ANO3: variants seen among roughly 807,000 people sequenced by gnomAD.
ANO3 encodes anoctamin-3.
A neutral mutation model predicts 144.8 loss-of-function variants in ANO3; 99 were observed. That is an observed-to-expected ratio of 0.68 (90% CI 0.58 to 0.81). The LOEUF (loss-of-function observed/expected upper bound fraction) is 0.81. Ranked by LOEUF, ANO3 falls within the 30% of genes least tolerant of loss-of-function variation. The pLI is 0.00. For missense variants in ANO3, 905 were observed against 1,202.2 expected (o/e 0.75, Z 3.66); for synonymous variants, 414 against 392.6 (o/e 1.05, Z -0.64).
chr11:26,209,622 C>T (rs555060904), intron 1 of ANO3, among the ~76,000 whole-genome samples: 2 of 152,148 alleles, frequency 1.3e-5, no homozygotes, highest in African/African-American at 2.4e-5. Flanking sequence ...AGTGTAAAAG[C>T]GTTCCTATTT....
chr11:26,378,521 T>C (rs547934419), intron 1 of ANO3, among the ~76,000 whole-genome samples: 43 of 151,470 alleles, frequency 2.8e-4, no homozygotes, highest in Admixed American at 1.3e-4. Flanking sequence ...GAAACACACT[T>C]TTAAAAATTA....
At chr11:26,307,721 A>AAATAAT (rs56805697), upstream of ANO3, among the ~76,000 whole-genome samples, 22,787 of 142,250 alleles carry the variant, frequency 0.16, 2,143 homozygotes, top group East Asian at 0.31. Flanking sequence ...CTCCGTCTCT[A>AAATAAT]AATAATAATA....
At chr11:26,200,485 A>C (rs1851671802) in intron 1 of ANO3, among the ~76,000 whole-genome samples, 1 of 152,102 alleles carries the variant, frequency 6.6e-6, no homozygotes, top group Admixed American at 6.6e-5. Flanking sequence ...AATTTGTTGT[A>C]ATATATTTAT....
chr11:26,236,023 G>A (rs762405119), intron 1 of ANO3, among the ~76,000 whole-genome samples: 1 of 151,894 alleles, frequency 6.6e-6, no homozygotes, highest in Non-Finnish European at 1.5e-5. Context: ...TCCTTCCTGA[G>A]TTTGATATAG....
intron 1 of ANO3, among the ~76,000 whole-genome samples, chr11:26,435,969 CT>C (rs553194915): frequency 3.2e-3 from 487 of 152,302 alleles, no homozygotes; most frequent in Middle Eastern, 0.014. Context: ...ACCCTGACCA[CT>C]TGAGTTGCTA....
chr11:26,525,127 C>G lies in ANO3; in HGVS notation c.693-508C>G, dbSNP rs535474087. Among the ~76,000 whole-genome samples the G allele has an allele frequency of 1.1e-4, 16 of 152,136 alleles. No individual in the cohort carries two copies. In the East Asian group the frequency reaches 1.7e-3, roughly 17 times the overall value. On this transcript the variant is annotated intron_variant, in intron 6 of 26. Transcript: ENST00000256737. ...TTTATTTTAACTGATGACTTCTCAC[C>G]TCAACTATCAAGGAAGCTTCTTGAG... is the stretch of plus-strand genomic sequence containing the variant.
chr11:26,248,803 A>G lies in ANO3; in HGVS notation c.154+59473A>G, dbSNP rs551034414. ...CCCTGGGCAGGGACTAGTACTGGAT[A>G]GGAACCATACGCACACAGCAGGAGG... is the stretch of plus-strand genomic sequence containing the variant. On this transcript the variant is annotated intron_variant, in intron 1 of 27. Transcript: ENST00000672621. Among the ~76,000 whole-genome samples the G allele has an allele frequency of 1.1e-4, 16 of 152,282 alleles. No homozygotes were observed. In the South Asian group the frequency reaches 3.1e-3, roughly 30 times the overall value.
chr11:26,391,477 A>G (rs1426758966), intron 1 of ANO3, among the ~76,000 whole-genome samples: 2 of 152,126 alleles, frequency 1.3e-5, no homozygotes, highest in Non-Finnish European at 2.9e-5. Context: ...AAATAGTAGC[A>G]CAAACATTGA....
At chr11:26,622,876 C>A (rs916365780) in intron 17 of ANO3, among the ~76,000 whole-genome samples, 6 of 152,210 alleles carry the variant, frequency 3.9e-5, no homozygotes, top group African/African-American at 1.2e-4. Context: ...CTAGAACTAA[C>A]TTTCAATCCC....
intron 1 of ANO3, among the ~76,000 whole-genome samples, chr11:26,191,481 A>G (rs76967980): frequency 0.015 from 2,309 of 152,114 alleles, 50 homozygotes; most frequent in East Asian, 0.13. Context: ...CAGATTTTTC[A>G]TAACAAACCT....
intron 1 of ANO3, among the ~76,000 whole-genome samples, chr11:26,424,790 A>T (rs1857870418): frequency 1.3e-5 from 2 of 152,086 alleles, no homozygotes; most frequent in Non-Finnish European, 2.9e-5. Flanking sequence ...ACTATAGAAA[A>T]CATCAGTCAG....
chr11:26,459,263 T>C (rs1359107867), intron 3 of ANO3, among the ~76,000 whole-genome samples: 1 of 152,066 alleles, frequency 6.6e-6, no homozygotes. Flanking sequence ...GCAGAATTAT[T>C]AGAAGGTTTG....
At chr11:26,301,152 TC>T (rs1854224202) in intron 1 of ANO3, among the ~76,000 whole-genome samples, 1 of 134,238 alleles carries the variant, frequency 7.4e-6, no homozygotes, top group Non-Finnish European at 1.5e-5. Context: ...ACGCCCAGCC[TC>T]TTTACTTTCT....
chr11:26,328,353 A>G (rs560336076), upstream of ANO3, among the ~76,000 whole-genome samples: 5 of 152,338 alleles, frequency 3.3e-5, no homozygotes, highest in Admixed American at 6.5e-5. Context: ...TCTTTAATAT[A>G]CGGAGAGAAA....
chr11:26,647,564 G>C (rs1193381074), intron 23 of ANO3, 145 bp from the exon 24 acceptor site: 3 of 647,516 alleles, frequency 4.6e-6, no homozygotes, highest in Non-Finnish European at 7.7e-6. Flanking sequence ...TATAATGTCT[G>C]TATTGAGATA....
intron 11 of ANO3, among the ~76,000 whole-genome samples, chr11:26,544,954 A>G (rs1184736500): frequency 6.6e-6 from 1 of 152,006 alleles, no homozygotes; most frequent in East Asian, 1.9e-4. Flanking sequence ...AAAGTTTATG[A>G]AAGAGTATAG....
chr11:26,549,341 A>G lies in ANO3; in HGVS notation c.1289+1791A>G, dbSNP rs150320404. Among the ~76,000 whole-genome samples the G allele has an allele frequency of 4.6e-3, 703 of 152,092 alleles. 21 individuals are homozygous for G. Among genetic ancestry groups the G allele is most frequent in the Non-Finnish European group, 1.1e-3 (75 of 67,946 alleles). On this transcript the variant is annotated intron_variant, in intron 12 of 26. Coordinates refer to ENST00000256737, the MANE Select transcript of ANO3 (RefSeq NM_031418.4). ...TCTATTCTAAACCAAGATAAGCAGC[A>G]CTGAATATCTTGACTGAAAATTTGG...
In ANO3 at chr11:26,508,148, T is replaced by C. The variant is rs1554963352; in HGVS notation, c.477T>C (p.Asp159=). 6.3e-7 allele frequency: 1 copy of C among 1,595,408 alleles called. No homozygotes were observed. The highest frequency in any genetic ancestry group is 8.5e-7 in the Non-Finnish European group (1 of 1,174,652). Residue 159 remains aspartate, a synonymous_variant, in exon 5 of 27, where the codon GAT becomes GAC. Coordinates refer to ENST00000256737, the MANE Select transcript of ANO3 (RefSeq NM_031418.4). The stretch of plus-strand genomic sequence containing the variant: ...CATCCAGTGGACCTCTGTTCAAAGA[T>C]GGCAAAAAGAGAATTGATTACATCT... The part of the protein sequence containing the change: ...YIASSGPLFK[D]GKKRIDYILV...
At chr11:26,445,826 TTTA>T (rs200089142) in intron 3 of ANO3, among the ~76,000 whole-genome samples, 2 of 151,640 alleles carry the variant, frequency 1.3e-5, no homozygotes, top group South Asian at 2.1e-4. Context: ...ATTATTTTAT[TTTA>T]TTATTATTAT....
Sources: allele counts gnomAD v4.1 joint callset (sites outside exome capture counted in the v4.1 genomes callset), GRCh38; gene constraint gnomAD v4.1.1; transcripts MANE v1.5; gene names NCBI Gene and HGNC (gene_info 2026-07-23, HGNC 2026-07-21).